Variants in HERC1 observed in about 807,000 individuals in gnomAD.
The protein encoded by HERC1 is probable E3 ubiquitin-protein ligase HERC1.
HERC1 carries 160 observed loss-of-function variants against 554.3 expected under a neutral mutation model. The ratio of observed to expected loss-of-function variants is 0.29; its 90% CI spans 0.25 to 0.33. The LOEUF (loss-of-function observed/expected upper bound fraction) is 0.33. HERC1 is among the 10% of genes least tolerant of loss of function. The pLI, the probability that HERC1 is intolerant of heterozygous loss-of-function variation, is 1.00. For synonymous variants in HERC1, 2,175 were observed against 2,131.7 expected, an observed-to-expected ratio of 1.02 and a Z score of -0.56; for missense variants, 4,919 against 5,918.5, an observed-to-expected ratio of 0.83 and a Z score of 5.54.
At chr15:63,653,849 G>C (rs1332988583) in intron 51 of HERC1, among the ~76,000 whole-genome samples, 1 of 152,158 alleles carries the variant, frequency 6.6e-6, no homozygotes, top group Non-Finnish European at 1.5e-5. Context: ...AAATGCATAA[G>C]TCTTCATCTT....
chr15:63,709,169 T>C (rs1344111669), intron 24 of HERC1, among the ~76,000 whole-genome samples: 3 of 151,598 alleles, frequency 2.0e-5, no homozygotes, highest in Admixed American at 2.0e-4. Flanking sequence ...ATATATATTT[T>C]TTATTTTTTT....
Position 63,633,934 on chromosome 15 carries a change from C to T in HERC1, c.12607G>A (p.Ala4203Thr), listed in dbSNP as rs1258480212. The change falls in exon 67 of 78, where the codon GCA becomes ACA. Residue 4203 changes from alanine to threonine, a missense_variant. This residue lies in a region of HERC1 where 410 missense variants were observed against 467.0 expected (regional missense o/e 0.88). Coordinates refer to ENST00000443617, the MANE Select transcript of HERC1 (RefSeq NM_003922.4). ...AAAGCCCACACCATGGAACCATCTGCTGACACTGCCAAAGTGTGGTTTAAT... is the reference window on the plus strand; with the variant it reads ...AAAGCCCACACCATGGAACCATCTGTTGACACTGCCAAAGTGTGGTTTAAT... ...CGLNHTLAVS[A>T]DGSMVWAFGD... 1.2e-6 allele frequency: 2 copies of T among 1,613,922 alleles called. No individual in the cohort carries two copies. The highest frequency in any genetic ancestry group is 2.2e-5 in the East Asian group (1 of 44,878).
chr15:63,746,635 A>C (rs2075064441), intron 12 of HERC1, among the ~76,000 whole-genome samples: 1 of 152,150 alleles, frequency 6.6e-6, no homozygotes, highest in Non-Finnish European at 1.5e-5. Context: ...AAAAAGAGTG[A>C]CATGTTTGTA....
At chr15:63,795,803 G>A (rs752462047) in intron 1 of HERC1, among the ~76,000 whole-genome samples, 13 of 152,278 alleles carry the variant, frequency 8.5e-5, no homozygotes, top group Non-Finnish European at 1.8e-4. Flanking sequence ...TGGCTGGAAC[G>A]GGACCTGACA....
At chr15:63,826,819 A>ATC (rs2077947164) in intron 1 of HERC1, among the ~76,000 whole-genome samples, 1 of 69,712 alleles carries the variant, frequency 1.4e-5, no homozygotes, top group East Asian at 2.4e-4. Context: ...AAAAAAATAT[A>ATC]TATATATATA....
Position 63,674,407 on chromosome 15 carries a change from G to T in HERC1, c.7781C>A (p.Ala2594Asp). The change falls in exon 38 of 78, where the codon GCC becomes GAC. Residue 2594 changes from alanine to aspartate, a missense_variant. By Grantham distance (126) the Ala-to-Asp change is moderately radical. Coordinates refer to ENST00000443617, the MANE Select transcript of HERC1 (RefSeq NM_003922.4). ...LGLADLERAQ[A>D]MIYKLVVHGL... ...ATGAACCACTAATTTATAGATCATG[G>T]CTTGCGCTCGTTCCAGATCAGCTAA... 6.2e-7 allele frequency: 1 copy of T among 1,613,720 alleles called. No individual in the cohort carries two copies. Among genetic ancestry groups the T allele is most frequent in the East Asian group, 2.2e-5 (1 of 44,868 alleles).
intron 11 of HERC1, among the ~76,000 whole-genome samples, chr15:63,747,469 A>C (rs906260068): frequency 6.6e-6 from 1 of 152,166 alleles, no homozygotes; most frequent in Non-Finnish European, 1.5e-5. Flanking sequence ...TAAAAAAAAA[A>C]AAATTTTGTC....
At chr15:63,619,540 T>G (rs1041128992) in intron 74 of HERC1, among the ~76,000 whole-genome samples, 3 of 152,234 alleles carry the variant, frequency 2.0e-5, no homozygotes, top group African/African-American at 7.2e-5. Flanking sequence ...TCCCTCTTTT[T>G]CTATTGATTG....
At position 63,645,186 on chromosome 15, in the gene HERC1, G is replaced by A. The variant is rs1457841697; in HGVS notation, c.11079-89C>T. ...AATTGCAATCAATTAAGATCTGATA[G>A]AACCACTGCATTATTTTTTAAACTT... On this transcript the variant is annotated intron_variant, in intron 56 of 77. Transcript: ENST00000443617. 9 of 947,464 alleles carry A rather than the reference G, an allele frequency of 9.5e-6. No individual in the cohort carries two copies. The East Asian group carries it at 1.4e-4, about 15-fold the overall frequency. 58.7% of individuals were successfully genotyped at this position (947,464 alleles called of 1,614,324 possible).
At chr15:63,783,736 C>G (rs1253313251) in intron 1 of HERC1, among the ~76,000 whole-genome samples, 1 of 152,132 alleles carries the variant, frequency 6.6e-6, no homozygotes, top group Non-Finnish European at 1.5e-5. Context: ...CTTTGAGAAT[C>G]TGATAAAAGC....
At chr15:63,751,489 G>A (rs2075244054) in intron 8 of HERC1, among the ~76,000 whole-genome samples, 1 of 152,094 alleles carries the variant, frequency 6.6e-6, no homozygotes, top group African/African-American at 2.4e-5. Context: ...CACTCAGTAA[G>A]GCCTACATAG....
chr15:63,820,695 T>C lies in HERC1; in HGVS notation c.-27+13132A>G, dbSNP rs74688285. 4.6e-5 allele frequency among the ~76,000 whole-genome samples: 7 copies of C among 152,298 alleles called. No individual in the cohort carries two copies. The South Asian group carries it at 1.4e-3, about 32-fold the overall frequency. Reference sequence around the variant, plus strand: ...AACAGAGACGTTATCCTTTTTTTTTTGCTTTTGAGACAAGGTCTTGCTATG... The same window carrying C: ...AACAGAGACGTTATCCTTTTTTTTTCGCTTTTGAGACAAGGTCTTGCTATG... On this transcript the variant is annotated intron_variant, in intron 1 of 77. Coordinates refer to ENST00000443617, the MANE Select transcript of HERC1 (RefSeq NM_003922.4).
chr15:63,628,163 G>A (rs1174521908), intron 70 of HERC1, among the ~76,000 whole-genome samples: 1 of 152,150 alleles, frequency 6.6e-6, no homozygotes, highest in African/African-American at 2.4e-5. Flanking sequence ...GGCTGAGGCG[G>A]GCGGATCACT....
chr15:63,726,035 G>A (rs1254497508), intron 17 of HERC1, among the ~76,000 whole-genome samples: 4 of 152,160 alleles, frequency 2.6e-5, no homozygotes, highest in Admixed American at 6.6e-5. Context: ...AGGCTGGAGT[G>A]CAGTGGCATG....
At chr15:63,701,494 C>T (rs1053139531) in intron 25 of HERC1, among the ~76,000 whole-genome samples, 1 of 152,118 alleles carries the variant, frequency 6.6e-6, no homozygotes, top group Non-Finnish European at 1.5e-5. Context: ...GCTTTGCAGA[C>T]CATAAGGTCT....
At chr15:63,788,894 T>A (rs929818175) in intron 1 of HERC1, among the ~76,000 whole-genome samples, 13 of 143,752 alleles carry the variant, frequency 9.0e-5, no homozygotes, top group Non-Finnish European at 1.5e-4. Context: ...AAAAAAAAAA[T>A]TTAGCAATGA....
chr15:63,760,012 T>C (rs2075554963), intron 3 of HERC1, among the ~76,000 whole-genome samples: 1 of 152,172 alleles, frequency 6.6e-6, no homozygotes, highest in African/African-American at 2.4e-5. Context: ...TCTACAGGTC[T>C]ATCACAGCCA....
chr15:63,634,483 G>C (rs2068695630), intron 66 of HERC1, among the ~76,000 whole-genome samples: 2 of 152,196 alleles, frequency 1.3e-5, no homozygotes, highest in South Asian at 4.1e-4. Context: ...TGTTATGGAG[G>C]GGGCTTTAAA....
At chr15:63,746,738 A>T (rs776578472) in intron 12 of HERC1, among the ~76,000 whole-genome samples, 180 bp downstream of exon 12, 1 of 152,250 alleles carries the variant, frequency 6.6e-6, no homozygotes, top group Non-Finnish European at 1.5e-5. Flanking sequence ...TTTATCAGAG[A>T]TGGCATCTGA....
Sources: gnomAD v4.1 joint callset for allele counts (sites outside exome capture counted in the v4.1 genomes callset) on GRCh38, gnomAD v4.1.1 for gene constraint, gnomAD v4.1.1 regional missense constraint, MANE v1.5 for transcripts, NCBI Gene and HGNC (gene_info 2026-07-23, HGNC 2026-07-21) for gene names.